SPIRE2: variants seen among roughly 807,000 people sequenced by gnomAD.
The protein encoded by SPIRE2 is spire type actin nucleation factor 2.
Under a neutral mutation model 80.7 loss-of-function variants are expected in SPIRE2, and 76 were observed. The observed-to-expected ratio is 0.94, with a 90% CI of 0.78 to 1.14. SPIRE2 has a LOEUF of 1.14. Among genes scored for constraint, SPIRE2 ranks in the 50% most tolerant of loss-of-function variants. The probability of loss-of-function intolerance (pLI) is 0.00; values close to 1 mark genes in which losing one functional copy is unlikely to be tolerated. For missense variants in SPIRE2, 1,196 were observed against 1,015.3 expected, an observed-to-expected ratio of 1.18 and a Z score of -2.42; for synonymous variants, 535 against 432.6, an observed-to-expected ratio of 1.24 and a Z score of -2.94.
chr16:89,839,790 C>T (rs2041486544), intron 1 of SPIRE2, among the ~76,000 whole-genome samples: 1 of 152,232 alleles, frequency 6.6e-6, no homozygotes, highest in Non-Finnish European at 1.5e-5. Context: ...AGAGCATGGG[C>T]TCCCCCAGAG....
chr16:89,854,054 G>C (rs569153990), intron 3 of SPIRE2, among the ~76,000 whole-genome samples: 1 of 152,400 alleles, frequency 6.6e-6, no homozygotes, highest in East Asian at 1.9e-4. Flanking sequence ...CTGAGGAAAT[G>C]CTGTGTGGAC....
Position 89,860,713 on chromosome 16 carries a change from G to C in SPIRE2, c.1493G>C (p.Ser498Thr). 1 of 1,592,212 alleles carries C rather than the reference G, an allele frequency of 6.3e-7. No individual in the cohort carries two copies. Among genetic ancestry groups the C allele is most frequent in the East Asian group, 2.3e-5 (1 of 43,556 alleles). Residue 498 changes from serine to threonine, a missense_variant, in exon 10 of 15, where the codon AGC (serine) becomes ACC (threonine). Transcript: ENST00000378247. ...TGTCCCGCGAGTGTCTCTGACCCCA[G>C]CCACCCCCTACTCAGCAACCGGGGC... is the stretch of plus-strand genomic sequence containing the variant. ...GTCPASVSDP[S>T]HPLLSNRGSS...
intron 1 of SPIRE2, among the ~76,000 whole-genome samples, chr16:89,829,100 G>A (rs1167102691): frequency 2.6e-5 from 4 of 152,248 alleles, no homozygotes; most frequent in Non-Finnish European, 2.9e-5. Flanking sequence ...TCCTCCGGGA[G>A]AGGGACTTGG....
At chr16:89,846,678 A>G (rs1220937831) in intron 2 of SPIRE2, 1 of 149,436 alleles carries the variant, frequency 6.7e-6, no homozygotes, top group Admixed American at 6.7e-5. Flanking sequence ...ATGCCCGGCT[A>G]ATTTTTGTAT....
intron 13 of SPIRE2, 43 bp downstream of exon 13, chr16:89,868,259 G>T (rs765122741): frequency 6.2e-7 from 1 of 1,606,096 alleles, no homozygotes; most frequent in Non-Finnish European, 8.5e-7. Context: ...CAAGGCAGAT[G>T]AGGGGCTCCA....
chr16:89,860,953 C>G (rs2041738954), intron 10 of SPIRE2, among the ~76,000 whole-genome samples, 158 bp downstream of exon 10: 1 of 152,120 alleles, frequency 6.6e-6, no homozygotes, highest in Non-Finnish European at 1.5e-5. Context: ...CATGGGGCAC[C>G]AGTGGTGGAG....
chr16:89,837,351 G>C (rs2041460192), intron 1 of SPIRE2, among the ~76,000 whole-genome samples: 1 of 152,196 alleles, frequency 6.6e-6, no homozygotes, highest in African/African-American at 2.4e-5. Context: ...GCTAGGCCCA[G>C]GGTCAGACTC....
chr16:89,866,149 G>GA (rs1217412522), intron 12 of SPIRE2, among the ~76,000 whole-genome samples: 42 of 150,416 alleles, frequency 2.8e-4, no homozygotes, highest in East Asian at 5.9e-4. Flanking sequence ...ACCTGTCTGG[G>GA]AAAAAAAAAT....
intron 1 of SPIRE2, among the ~76,000 whole-genome samples, chr16:89,840,040 A>C (rs994775492): frequency 6.6e-6 from 1 of 152,198 alleles, no homozygotes; most frequent in African/African-American, 2.4e-5. Flanking sequence ...CAGTAGCCAC[A>C]GGTTGGTCAG....
intron 2 of SPIRE2, among the ~76,000 whole-genome samples, chr16:89,847,841 T>C (rs2041577940): frequency 6.6e-6 from 1 of 152,150 alleles, no homozygotes; most frequent in Non-Finnish European, 1.5e-5. Context: ...AGAAGAGCTT[T>C]TATGGACGCA....
chr16:89,842,497 G>A (rs982351659), intron 1 of SPIRE2, among the ~76,000 whole-genome samples: 2 of 152,196 alleles, frequency 1.3e-5, no homozygotes, highest in Admixed American at 1.3e-4. Context: ...ACAGGCGTGA[G>A]CCACCGTGCC....
In SPIRE2 at chr16:89,863,144, A is replaced by G; in HGVS notation, c.1576-332A>G. Reference sequence around the variant, plus strand: ...CTCAGGGAGGGAAGGTTTGAGATGGATTCTGGCTGGTGTGGATCAGCCCAT... The same window carrying G: ...CTCAGGGAGGGAAGGTTTGAGATGGGTTCTGGCTGGTGTGGATCAGCCCAT... On this transcript the variant is annotated intron_variant, in intron 10 of 14. Coordinates refer to ENST00000378247, the MANE Select transcript of SPIRE2 (RefSeq NM_032451.2). This position sits in a 1 kb window ranked among gnomAD's most constrained non-coding sequence, Gnocchi z 4.3. 1 of 343,478 alleles carries G rather than the reference A, an allele frequency of 2.9e-6. No individual in the cohort carries two copies. Among genetic ancestry groups the G allele is most frequent in the African/African-American group, 2.1e-5 (1 of 47,714 alleles). 21.3% of individuals were successfully genotyped at this position (343,478 alleles called of 1,614,324 possible).
Position 89,870,554 on chromosome 16 carries a change from G to C in SPIRE2, c.*282G>C. 1 of 363,170 alleles carries C rather than the reference G, an allele frequency of 2.8e-6. No homozygotes were observed. The highest frequency in any genetic ancestry group is 5.1e-6 in the Non-Finnish European group (1 of 195,734). 22.5% of individuals were successfully genotyped at this position (363,170 alleles called of 1,614,324 possible). Reference sequence around the variant, plus strand: ...TTCTCACTGAAGAGAGAAAGCAGAAGGTTCTAGATCCTGGCACAGACTGCA... The same window carrying C: ...TTCTCACTGAAGAGAGAAAGCAGAACGTTCTAGATCCTGGCACAGACTGCA... On this transcript the variant is annotated 3_prime_UTR_variant, in exon 15 of 15. Transcript: ENST00000378247.
intron 12 of SPIRE2, among the ~76,000 whole-genome samples, chr16:89,866,766 G>A (rs1597225677): frequency 6.6e-6 from 1 of 151,968 alleles, no homozygotes; most frequent in Admixed American, 6.6e-5. Context: ...CCGCCACCAG[G>A]CCTGGCTAAT....
chr16:89,866,417 C>T (rs1330369536), intron 12 of SPIRE2, among the ~76,000 whole-genome samples: 1 of 152,104 alleles, frequency 6.6e-6, no homozygotes, highest in Admixed American at 6.6e-5. Context: ...CCTGCCTCAG[C>T]CTCCTGAGTA....
At chr16:89,834,724 G>A (rs1467502399) in intron 1 of SPIRE2, among the ~76,000 whole-genome samples, 2 of 106,608 alleles carry the variant, frequency 1.9e-5, no homozygotes, top group Admixed American at 1.0e-4. Flanking sequence ...AGCATAGCCC[G>A]TGTGAATCTG....
intron 1 of SPIRE2, among the ~76,000 whole-genome samples, chr16:89,837,751 G>C (rs2041464003): frequency 6.6e-6 from 1 of 152,222 alleles, no homozygotes; most frequent in South Asian, 2.1e-4. Flanking sequence ...CTGGGTTCTT[G>C]TTGAGGAGGA....
At chr16:89,833,640 C>T (rs1005739226) in intron 1 of SPIRE2, among the ~76,000 whole-genome samples, 3 of 152,210 alleles carry the variant, frequency 2.0e-5, no homozygotes, top group South Asian at 2.1e-4. Flanking sequence ...GGAGGTGCAG[C>T]GTGGTGCTAA....
chr16:89,836,891 A>G (rs1438676001), intron 1 of SPIRE2, among the ~76,000 whole-genome samples: 5 of 151,484 alleles, frequency 3.3e-5, no homozygotes, highest in Admixed American at 2.6e-4. Context: ...GCTACTGAGG[A>G]GGATGAGGCA....
Sources: allele counts gnomAD v4.1 joint callset (sites outside exome capture counted in the v4.1 genomes callset), GRCh38; gene constraint gnomAD v4.1.1; non-coding constraint Gnocchi (gnomAD v3.1); transcripts MANE v1.5; gene names NCBI Gene and HGNC (gene_info 2026-07-23, HGNC 2026-07-21).